Variants in RGS6 observed in about 807,000 individuals in gnomAD.
The protein encoded by RGS6 is regulator of G protein signaling 6, also known as regulator of G-protein signaling 6.
In RGS6, 30 loss-of-function variants were observed where a neutral mutation model predicts 78.5. That is an observed-to-expected ratio of 0.38 (90% CI 0.29 to 0.52). The LOEUF is 0.52. Among genes scored for constraint, RGS6 ranks in the 20% least tolerant of loss-of-function variants. The probability of loss-of-function intolerance (pLI) is 0.85; values close to 1 mark genes in which losing one functional copy is unlikely to be tolerated. For synonymous variants in RGS6, 206 were observed against 206.0 expected (o/e 1.00, Z 0.00); for missense variants, 495 against 609.7 (o/e 0.81, Z 1.98).
chr14:72,327,603 T>C (rs1407467509), intron 2 of RGS6, among the ~76,000 whole-genome samples: 1 of 152,252 alleles, frequency 6.6e-6, no homozygotes, highest in Non-Finnish European at 1.5e-5. Context: ...GTAAAAGTGA[T>C]GCTTTTTATT....
chr14:72,203,066 A>G (rs376330438), intron 2 of RGS6, among the ~76,000 whole-genome samples: 1 of 151,940 alleles, frequency 6.6e-6, no homozygotes, highest in African/African-American at 2.4e-5. Flanking sequence ...TAGTGGAGAC[A>G]GGGTTTCACC....
At chr14:72,417,295 G>GC (rs922781645) in intron 3 of RGS6, among the ~76,000 whole-genome samples, 25 of 152,076 alleles carry the variant, frequency 1.6e-4, no homozygotes, top group African/African-American at 4.1e-4. Context: ...GGAGATGACT[G>GC]CCCCCCCACC....
intron 2 of RGS6, among the ~76,000 whole-genome samples, chr14:72,297,032 T>C (rs954116523): frequency 1.3e-5 from 2 of 152,188 alleles, no homozygotes; most frequent in African/African-American, 4.8e-5. Context: ...CTTGAAAAGA[T>C]GTTTCTTTTT....
chr14:72,494,048 G>A (rs999975839), intron 12 of RGS6, among the ~76,000 whole-genome samples: 1 of 152,206 alleles, frequency 6.6e-6, no homozygotes, highest in Admixed American at 6.5e-5. Flanking sequence ...AGTCTATAGA[G>A]CAAATGATCC....
chr14:72,330,020 C>T (rs2074643708), intron 2 of RGS6, among the ~76,000 whole-genome samples: 1 of 152,208 alleles, frequency 6.6e-6, no homozygotes, highest in Admixed American at 6.5e-5. Context: ...GCATCATGTC[C>T]ATTTTTGTGT....
chr14:72,524,317 G>T (rs1466705042), intron 15 of RGS6, among the ~76,000 whole-genome samples: 5 of 152,216 alleles, frequency 3.3e-5, no homozygotes, highest in Admixed American at 3.3e-4. Context: ...GGAAGATGGT[G>T]AATCCCATGG....
chr14:71,868,076 G>A, the RGS6 span, among the ~76,000 whole-genome samples: 1 of 152,134 alleles, frequency 6.6e-6, no homozygotes, highest in Non-Finnish European at 1.5e-5. Flanking sequence ...AACGTCCACC[G>A]GCTTGTATGG....
At chr14:72,334,657 G>A (rs907681944) in intron 2 of RGS6, among the ~76,000 whole-genome samples, 1 of 152,152 alleles carries the variant, frequency 6.6e-6, no homozygotes, top group African/African-American at 2.4e-5. Flanking sequence ...ATTCATGAGG[G>A]GACTGAGACC....
Position 72,411,161 on chromosome 14 carries a change from G to A in RGS6, c.185-43367G>A, listed in dbSNP as rs144799590. ...ATTGAATCTATAAATCACCTTGGGCGGTATGGCCATTTTCACGATATTGAT... is the reference window on the plus strand; with the variant it reads ...ATTGAATCTATAAATCACCTTGGGCAGTATGGCCATTTTCACGATATTGAT... On this transcript the variant is annotated intron_variant, in intron 3 of 17. Transcript: ENST00000553525. Among the ~76,000 whole-genome samples, 367 of 152,150 alleles carry A rather than the reference G, an allele frequency of 2.4e-3. 4 individuals are homozygous for A. Among genetic ancestry groups the A allele is most frequent in the African/African-American group, 8.4e-3 (347 of 41,494 alleles).
chr14:72,443,099 A>G (rs1252396075), intron 3 of RGS6, among the ~76,000 whole-genome samples: 18 of 152,328 alleles, frequency 1.2e-4, no homozygotes, highest in Admixed American at 1.0e-3. Flanking sequence ...AATCTCCACC[A>G]GGAGATCAGC....
At chr14:72,301,042 A>G (rs2065943045) in intron 2 of RGS6, among the ~76,000 whole-genome samples, 1 of 152,230 alleles carries the variant, frequency 6.6e-6, no homozygotes, top group Admixed American at 6.5e-5. Context: ...TTGATTTGAT[A>G]CACTGGTGGA....
chr14:71,869,801 C>G, the RGS6 span, among the ~76,000 whole-genome samples: 1 of 152,094 alleles, frequency 6.6e-6, no homozygotes, highest in Non-Finnish European at 1.5e-5. Flanking sequence ...AGAAGTGTGA[C>G]CTTCAAGATG....
chr14:72,359,409 G>A (rs1467176883), intron 3 of RGS6, among the ~76,000 whole-genome samples: 2 of 152,242 alleles, frequency 1.3e-5, no homozygotes, highest in South Asian at 4.1e-4. Flanking sequence ...TTAGCTGAAG[G>A]GTAAGAAATC....
At chr14:71,914,634 T>A in the RGS6 span, among the ~76,000 whole-genome samples, 1 of 152,074 alleles carries the variant, frequency 6.6e-6, no homozygotes, top group African/African-American at 2.4e-5. Context: ...CAGGCCCCTT[T>A]TATTTTGGGT....
At chr14:72,252,332 C>T (rs1473640564) in intron 2 of RGS6, among the ~76,000 whole-genome samples, 2 of 152,184 alleles carry the variant, frequency 1.3e-5, no homozygotes, top group African/African-American at 4.8e-5. Flanking sequence ...TTATTAATGA[C>T]CATCAACTAT....
the RGS6 span, among the ~76,000 whole-genome samples, chr14:72,625,387 C>T: frequency 5.3e-5 from 8 of 152,268 alleles, no homozygotes; most frequent in Non-Finnish European, 4.4e-5. Flanking sequence ...CGGGTTCCTT[C>T]AAGTTGCTTC....
chr14:72,375,842 C>T (rs1042515495), intron 3 of RGS6, among the ~76,000 whole-genome samples: 3 of 152,170 alleles, frequency 2.0e-5, no homozygotes, highest in African/African-American at 7.2e-5. Flanking sequence ...ATTGAGCCCA[C>T]ACCCCAACAC....
intron 2 of RGS6, among the ~76,000 whole-genome samples, chr14:72,054,043 A>C (rs2093481033): frequency 6.6e-6 from 1 of 152,228 alleles, no homozygotes; most frequent in Admixed American, 6.5e-5. Context: ...CAATTTCCAT[A>C]ACTTCTATCA....
intron 1 of RGS6, among the ~76,000 whole-genome samples, chr14:71,955,352 C>T (rs1233664959): frequency 1.3e-5 from 2 of 152,096 alleles, no homozygotes; most frequent in African/African-American, 4.8e-5. Context: ...GGAAAGGGGT[C>T]CCAATCCAGA....
Sources: allele counts gnomAD v4.1 joint callset (sites outside exome capture counted in the v4.1 genomes callset), GRCh38; gene constraint gnomAD v4.1.1; transcripts MANE v1.5; gene names NCBI Gene and HGNC (gene_info 2026-07-23, HGNC 2026-07-21).